ZBTB43: variants seen among roughly 807,000 people sequenced by gnomAD.
The protein encoded by ZBTB43 is zinc finger and BTB domain-containing protein 43.
Under a neutral mutation model 31.1 loss-of-function variants are expected in ZBTB43, and 6 were observed. That is an observed-to-expected ratio of 0.19 (90% confidence interval 0.11 to 0.38). The LOEUF is 0.38. ZBTB43 is among the 10% of genes least tolerant of loss of function. ZBTB43 has a pLI of 1.00. For synonymous variants in ZBTB43, 212 were observed against 221.7 expected, an observed-to-expected ratio of 0.96 and a Z score of 0.39; for missense variants, 379 against 602.1, an observed-to-expected ratio of 0.63 and a Z score of 3.88.
At chr9:126,814,077 A>G (rs1001877357) in intron 2 of ZBTB43, among the ~76,000 whole-genome samples, 5 of 152,156 alleles carry the variant, frequency 3.3e-5, no homozygotes, top group African/African-American at 7.2e-5. Flanking sequence ...GTCTAAACCT[A>G]TAGATTCTTG....
At position 126,816,466 on chromosome 9, in the gene ZBTB43, A is replaced by T. The variant is rs534473635; in HGVS notation, c.-24+7551A>T. 2.6e-5 allele frequency among the ~76,000 whole-genome samples: 4 copies of T among 152,276 alleles called. No homozygotes were observed. In the South Asian group the frequency reaches 8.3e-4, roughly 32 times the overall value. On this transcript the variant is annotated intron_variant, in intron 2 of 2. Transcript: ENST00000373464. ...TCATGAAGTTTGTGAAAAACATTTT[A>T]AAAATTGTTTAAAATGTACTCTTTG...
chr9:126,830,416 G>A (rs546373326), intron 2 of ZBTB43, among the ~76,000 whole-genome samples: 3 of 152,292 alleles, frequency 2.0e-5, no homozygotes, highest in East Asian at 1.9e-4. Context: ...GAGGCCAGGC[G>A]GGCAGATCGC....
intron 2 of ZBTB43, among the ~76,000 whole-genome samples, chr9:126,809,133 A>G (rs1247710412): frequency 6.6e-6 from 1 of 152,216 alleles, no homozygotes; most frequent in Non-Finnish European, 1.5e-5. Flanking sequence ...TTTTCTGCCA[A>G]GTGAATTTTT....
chr9:126,814,742 G>T (rs2032336915), intron 2 of ZBTB43, among the ~76,000 whole-genome samples: 1 of 152,030 alleles, frequency 6.6e-6, no homozygotes, highest in South Asian at 2.1e-4. Flanking sequence ...GTAGTGAGCT[G>T]AGATTGCACC....
At chr9:126,807,726 C>A (rs2032158670) in intron 1 of ZBTB43, among the ~76,000 whole-genome samples, 1 of 152,088 alleles carries the variant, frequency 6.6e-6, no homozygotes, top group African/African-American at 2.4e-5. Context: ...ACCTCCGCCT[C>A]CTGGGTTCAA....
intron 2 of ZBTB43, among the ~76,000 whole-genome samples, chr9:126,811,254 C>T (rs1039698594): frequency 1.6e-4 from 24 of 151,824 alleles, no homozygotes; most frequent in Admixed American, 8.5e-4. Flanking sequence ...ATTATATTCA[C>T]CTTTTCTTTC....
intron 2 of ZBTB43, among the ~76,000 whole-genome samples, chr9:126,827,229 G>C (rs943417274): frequency 6.6e-6 from 1 of 152,204 alleles, no homozygotes; most frequent in African/African-American, 2.4e-5. Flanking sequence ...GTGTGTGTGC[G>C]TGTACAGATG....
intron 2 of ZBTB43, among the ~76,000 whole-genome samples, chr9:126,813,441 C>T (rs1050543172): frequency 6.6e-6 from 1 of 152,160 alleles, no homozygotes; most frequent in East Asian, 1.9e-4. Context: ...CCAATGTAGA[C>T]GTCTCATTCG....
chr9:126,804,966 A>G (rs559924236), upstream of ZBTB43: 1 of 152,554 alleles, frequency 6.6e-6, no homozygotes, highest in South Asian at 2.1e-4. Flanking sequence ...TTTCTCTCTG[A>G]CGCACCCCCG....
chr9:126,819,279 A>ATTTTTTTTTTTTTTTTCTT (rs2032459367), intron 2 of ZBTB43, among the ~76,000 whole-genome samples: 1 of 100,196 alleles, frequency 1.0e-5, no homozygotes, highest in African/African-American at 3.8e-5. Flanking sequence ...CGGATATTGC[A>ATTTTTTTTTTTTTTTTCTT]TTTTTTTTTT....
At chr9:126,825,140 T>C (rs1050190813) in intron 2 of ZBTB43, among the ~76,000 whole-genome samples, 1 of 151,922 alleles carries the variant, frequency 6.6e-6, no homozygotes, top group African/African-American at 2.4e-5. Flanking sequence ...AGGTTCTCAC[T>C]ATGTTGCCCA....
intron 2 of ZBTB43, among the ~76,000 whole-genome samples, chr9:126,830,117 C>T (rs2032733453): frequency 6.6e-6 from 1 of 152,142 alleles, no homozygotes; most frequent in Non-Finnish European, 1.5e-5. Context: ...CACATCTCAA[C>T]TTAATAAAAA....
intron 2 of ZBTB43, among the ~76,000 whole-genome samples, chr9:126,824,611 G>A (rs934126343): frequency 6.6e-6 from 1 of 152,052 alleles, no homozygotes; most frequent in Non-Finnish European, 1.5e-5. Flanking sequence ...CCTCCATATG[G>A]TTTCTGCTTA....
chr9:126,815,898 G>T (rs1054594835), intron 2 of ZBTB43, among the ~76,000 whole-genome samples: 1 of 151,434 alleles, frequency 6.6e-6, no homozygotes, highest in African/African-American at 2.4e-5. Flanking sequence ...TACCTTGTTC[G>T]GTGCTGGATA....
intron 2 of ZBTB43, among the ~76,000 whole-genome samples, chr9:126,815,176 T>C (rs1263689034): frequency 6.7e-6 from 1 of 149,930 alleles, no homozygotes; most frequent in Non-Finnish European, 1.5e-5. Context: ...TGTGTGTATG[T>C]GTGTATTGTT....
At chr9:126,809,139 T>C (rs1349970758) in intron 2 of ZBTB43, among the ~76,000 whole-genome samples, 1 of 152,122 alleles carries the variant, frequency 6.6e-6, no homozygotes, top group African/African-American at 2.4e-5. Context: ...GCCAAGTGAA[T>C]TTTTTTTCTT....
At position 126,833,991 on chromosome 9, in the gene ZBTB43, G is replaced by A. The variant is rs956114159; in HGVS notation, c.*78G>A. 3.6e-5 allele frequency: 49 copies of A among 1,379,180 alleles called. No homozygotes were observed. The highest frequency in any genetic ancestry group is 6.9e-5 in the Admixed American group (3 of 43,246). 85.4% of individuals were successfully genotyped at this position (1,379,180 alleles called of 1,614,324 possible). ...ATGCAAATCTGGGCACAGATGATGC[G>A]TGCTACTTGCTATTATGAGAGAAGC... On this transcript the variant is annotated 3_prime_UTR_variant, in exon 3 of 3. Transcript: ENST00000373464. The surrounding 1 kb of genome is among the most constrained non-coding windows in gnomAD (Gnocchi z 7.9).
At chr9:126,826,980 C>CAAAA (rs1295793878) in intron 2 of ZBTB43, among the ~76,000 whole-genome samples, 3 of 152,148 alleles carry the variant, frequency 2.0e-5, no homozygotes, top group Non-Finnish European at 4.4e-5. Context: ...TGTGCTTTTA[C>CAAAA]TTTCTTGTTG....
chr9:126,822,777 C>G (rs1237875284), intron 2 of ZBTB43, among the ~76,000 whole-genome samples: 1 of 152,110 alleles, frequency 6.6e-6, no homozygotes, highest in African/African-American at 2.4e-5. Flanking sequence ...GCTACAGCCA[C>G]CCTACCGTTC....
Sources: gnomAD v4.1 joint callset for allele counts (sites outside exome capture counted in the v4.1 genomes callset) on GRCh38, gnomAD v4.1.1 for gene constraint, Gnocchi (gnomAD v3.1) non-coding constraint, MANE v1.5 for transcripts, NCBI Gene and HGNC (gene_info 2026-07-23, HGNC 2026-07-21) for gene names.